The following RGS6 variants were observed in gnomAD, a reference collection of about 807,000 sequenced individuals.
RGS6 encodes regulator of G-protein signaling 6.
Under a neutral mutation model 78.5 loss-of-function variants are expected in RGS6, and 30 were observed. The observed-to-expected ratio is 0.38, with a 90% CI of 0.29 to 0.52. RGS6 has a LOEUF of 0.52. Among genes scored for constraint, RGS6 ranks in the 20% least tolerant of loss-of-function variants. The probability of loss-of-function intolerance (pLI) is 0.85; values close to 1 mark genes in which losing one functional copy is unlikely to be tolerated. For missense variants in RGS6, 495 were observed against 609.7 expected, an observed-to-expected ratio of 0.81 and a Z score of 1.98; for synonymous variants, 206 against 206.0, an observed-to-expected ratio of 1.00 and a Z score of 0.00.
At chr14:72,437,858 TAA>T (rs1191951961) in intron 3 of RGS6, among the ~76,000 whole-genome samples, 1 of 152,198 alleles carries the variant, frequency 6.6e-6, no homozygotes. Flanking sequence ...CCCCTGCTCC[TAA>T]GTTGCACAAG....
At chr14:72,459,126 C>G (rs746468046) in intron 5 of RGS6, among the ~76,000 whole-genome samples, 4 of 152,184 alleles carry the variant, frequency 2.6e-5, no homozygotes, top group Non-Finnish European at 4.4e-5. Flanking sequence ...TCTACTGTCT[C>G]ATGTTGCCTT....
At chr14:71,928,941 T>C (rs1354289474), upstream of RGS6, among the ~76,000 whole-genome samples, 1 of 152,244 alleles carries the variant, frequency 6.6e-6, no homozygotes, top group Non-Finnish European at 1.5e-5. Flanking sequence ...ACAATTTTTT[T>C]AATTTGGTAA....
intron 13 of RGS6, among the ~76,000 whole-genome samples, chr14:72,498,820 G>A (rs2096679428): frequency 6.6e-6 from 1 of 152,202 alleles, no homozygotes; most frequent in Admixed American, 6.5e-5. Context: ...GTCCTGGTTT[G>A]GTTCACGGAG....
Position 72,282,941 on chromosome 14 carries a change from C to G in RGS6, c.85-69154C>G, listed in dbSNP as rs1422401875. The stretch of plus-strand genomic sequence containing the variant: ...GTAATAACTCCCTATCTCTCCCTAC[C>G]CCCAGCCCCTGGCAACCACGATTCT... On this transcript the variant is annotated intron_variant, in intron 2 of 17. Transcript: ENST00000553525. Among the ~76,000 whole-genome samples the G allele has an allele frequency of 4.6e-5, 7 of 152,246 alleles. No homozygotes were observed. In the East Asian group the frequency reaches 1.4e-3, roughly 29 times the overall value.
intron 2 of RGS6, among the ~76,000 whole-genome samples, chr14:72,329,252 A>G (rs2074455869): frequency 6.6e-6 from 1 of 152,286 alleles, no homozygotes; most frequent in South Asian, 2.1e-4. Flanking sequence ...GCACACACAT[A>G]CATATGCACA....
intron 2 of RGS6, among the ~76,000 whole-genome samples, chr14:72,113,979 T>G (rs901807709): frequency 6.6e-6 from 1 of 152,182 alleles, no homozygotes; most frequent in Non-Finnish European, 1.5e-5. Flanking sequence ...TTAAAGTCCT[T>G]CAAGACTTAT....
At chr14:72,160,685 G>A (rs891044121) in intron 2 of RGS6, among the ~76,000 whole-genome samples, 1 of 152,200 alleles carries the variant, frequency 6.6e-6, no homozygotes, top group Non-Finnish European at 1.5e-5. Context: ...TGGCCACATG[G>A]AGAGATACAA....
At position 72,147,652 on chromosome 14, in the gene RGS6, A is replaced by G. The variant is rs990838650; in HGVS notation, c.84+182777A>G. ...ATCGTAGCACATGGGGTACAGAATTATATTGCAGATACAGACAGCAGCTCA... is the reference window on the plus strand; with the variant it reads ...ATCGTAGCACATGGGGTACAGAATTGTATTGCAGATACAGACAGCAGCTCA... On this transcript the variant is annotated intron_variant, in intron 2 of 17. Coordinates refer to ENST00000553525, the MANE Select transcript of RGS6 (RefSeq NM_001204424.2). Among the ~76,000 whole-genome samples, 8 of 152,312 alleles carry G rather than the reference A, an allele frequency of 5.3e-5. No homozygotes were observed. In the South Asian group the frequency reaches 1.7e-3, roughly 32 times the overall value.
intron 2 of RGS6, among the ~76,000 whole-genome samples, chr14:72,039,014 C>T (rs1321239365): frequency 2.0e-5 from 3 of 152,190 alleles, no homozygotes; most frequent in Non-Finnish European, 4.4e-5. Flanking sequence ...CAGTCTTCAT[C>T]ATTAGATGTG....
the RGS6 span, among the ~76,000 whole-genome samples, chr14:71,919,263 G>T: frequency 0.014 from 2,122 of 152,252 alleles, 51 homozygotes; most frequent in African/African-American, 0.047. Flanking sequence ...GCCCGTGGGG[G>T]TGAGGGCAGG....
the RGS6 span, among the ~76,000 whole-genome samples, chr14:72,625,827 C>G: frequency 4.6e-5 from 7 of 152,282 alleles, no homozygotes; most frequent in African/African-American, 1.4e-4. Context: ...AGCCTTCCCC[C>G]CTTTATTTGG....
At chr14:72,004,626 G>A (rs2084153334) in intron 2 of RGS6, among the ~76,000 whole-genome samples, 1 of 152,090 alleles carries the variant, frequency 6.6e-6, no homozygotes, top group African/African-American at 2.4e-5. Flanking sequence ...TTGAGCTCAG[G>A]AGTTCAAGAC....
intron 3 of RGS6, among the ~76,000 whole-genome samples, chr14:72,436,437 CAG>C (rs80170873): frequency 0.1 from 15,546 of 152,158 alleles, 898 homozygotes; most frequent in South Asian, 0.16. Flanking sequence ...GTTCCAAAAA[CAG>C]ACAGTATGTT....
intron 2 of RGS6, among the ~76,000 whole-genome samples, chr14:72,114,108 C>T (rs568025677): frequency 2.0e-5 from 3 of 152,254 alleles, no homozygotes; most frequent in African/African-American, 7.2e-5. Context: ...GGATTGTGGT[C>T]AGTGTTCTCA....
chr14:72,095,222 C>T (rs541759791), intron 2 of RGS6, among the ~76,000 whole-genome samples: 139 of 152,054 alleles, frequency 9.1e-4, no homozygotes, highest in African/African-American at 3.3e-3. Context: ...TAATTTAGCC[C>T]TATCAAGCAG....
intron 11 of RGS6, chr14:72,477,127 G>A (rs1481947303): frequency 2.8e-6 from 1 of 357,242 alleles, no homozygotes; most frequent in East Asian, 6.4e-5. Context: ...AGTCCGCTGT[G>A]GGAGCTGGAG....
At chr14:72,157,787 C>A (rs2096794217) in intron 2 of RGS6, among the ~76,000 whole-genome samples, 1 of 151,958 alleles carries the variant, frequency 6.6e-6, no homozygotes, top group African/African-American at 2.4e-5. Context: ...GTAAGGGGAA[C>A]AATGTAAGTG....
At chr14:72,046,291 C>G (rs1311611491) in intron 2 of RGS6, among the ~76,000 whole-genome samples, 3 of 151,010 alleles carry the variant, frequency 2.0e-5, no homozygotes, top group African/African-American at 7.3e-5. Context: ...ATACACACAC[C>G]TCTCATTTTA....
At chr14:72,230,191 C>T (rs1362830749) in intron 2 of RGS6, among the ~76,000 whole-genome samples, 1 of 152,126 alleles carries the variant, frequency 6.6e-6, no homozygotes, top group Non-Finnish European at 1.5e-5. Context: ...TTTAGTTATT[C>T]CTGGATCTAG....
Sources: gnomAD v4.1 joint callset for allele counts (sites outside exome capture counted in the v4.1 genomes callset) on GRCh38, gnomAD v4.1.1 for gene constraint, MANE v1.5 for transcripts, NCBI Gene and HGNC (gene_info 2026-07-23, HGNC 2026-07-21) for gene names.